The following SERPINA6 variants were observed in gnomAD, a reference collection of about 807,000 sequenced individuals.
The protein encoded by SERPINA6 is serpin family A member 6, also known as corticosteroid-binding globulin.
In SERPINA6, 19 loss-of-function variants were observed where a neutral mutation model predicts 26.4. The observed-to-expected ratio is 0.72, with a 90% CI of 0.50 to 1.06. The LOEUF (loss-of-function observed/expected upper bound fraction) is 1.06. SERPINA6 is among the 50% of genes least tolerant of loss of function. The pLI, the probability that SERPINA6 is intolerant of heterozygous loss-of-function variation, is 0.00. For missense variants in SERPINA6, 473 were observed against 504.0 expected, an observed-to-expected ratio of 0.94 and a Z score of 0.59; for synonymous variants, 196 against 199.4, an observed-to-expected ratio of 0.98 and a Z score of 0.14.
chr14:94,319,025 G>T (rs745445492), intron 1 of SERPINA6, among the ~76,000 whole-genome samples: 6 of 152,180 alleles, frequency 3.9e-5, no homozygotes, highest in Non-Finnish European at 7.3e-5. Context: ...TCTTTTCAGA[G>T]ACAACATACA....
At chr14:94,317,939 G>A (rs2139726339) in intron 1 of SERPINA6, among the ~76,000 whole-genome samples, 1 of 152,258 alleles carries the variant, frequency 6.6e-6, no homozygotes, top group Non-Finnish European at 1.5e-5. Context: ...GATCTTATAT[G>A]TTCAAAACCC....
rs778695965 is a variant in SERPINA6, at chr14:94,309,912, C to T, written c.708G>A (p.Gln236=). ...CATGAAGGTAACTGATGGTGCTCGA[C>T]TGCAACATCATGGGCACCTTCACCA... is the stretch of plus-strand genomic sequence containing the variant. ...TTVVKVPMML[Q]SSTISYLHDS... The change falls in exon 3 of 5, where the codon CAG becomes CAA. Residue 236 remains glutamine, a synonymous_variant. Coordinates refer to ENST00000341584, the MANE Select transcript of SERPINA6 (RefSeq NM_001756.4). The T allele has an allele frequency of 2.5e-6, 4 of 1,614,160 alleles. No homozygotes were observed. The highest frequency in any genetic ancestry group is 3.4e-6 in the Non-Finnish European group (4 of 1,179,996).
Position 94,304,306 on chromosome 14 carries a change from A to G in SERPINA6, c.*112T>C, listed in dbSNP as rs1803252. ...TAAAGTTAGACACAACTCTGGTTGG[A>G]GGGAGAAGAACTTGGAGGAGATTGG... is the stretch of plus-strand genomic sequence containing the variant. On this transcript the variant is annotated 3_prime_UTR_variant, in exon 5 of 5. Coordinates refer to ENST00000341584, the MANE Select transcript of SERPINA6 (RefSeq NM_001756.4). 1.8e-5 allele frequency: 18 copies of G among 1,028,346 alleles called. No individual in the cohort carries two copies. Among genetic ancestry groups the G allele is most frequent in the Non-Finnish European group, 2.6e-5 (17 of 648,642 alleles). 63.7% of individuals were successfully genotyped at this position (1,028,346 alleles called of 1,614,324 possible).
At position 94,314,393 on chromosome 14, in the gene SERPINA6, G is replaced by C. The variant is rs199699199; in HGVS notation, c.256C>G (p.Arg86Gly). Residue 86 changes from arginine (R) to glycine (G), a missense_variant, in exon 2 of 5, where the codon CGG (arginine) becomes GGG (glycine). Physicochemically the swap from Arg to Gly is moderately radical, Grantham distance 125 (BLOSUM62 -2). Transcript: ENST00000341584. ...CCCAGGCCCTGGAGAAGCTGGGCCC[G>C]TGTGTGGCCACAGGTGCCCAGGGAC... ...MLSLGTCGHT[R>G]AQLLQGLGFN... The C allele has an allele frequency of 6.2e-7, 1 of 1,614,156 alleles. No homozygotes were observed. The highest frequency in any genetic ancestry group is 8.5e-7 in the Non-Finnish European group (1 of 1,180,026).
intron 4 of SERPINA6, among the ~76,000 whole-genome samples, chr14:94,305,772 G>T (rs1395642931): frequency 6.6e-6 from 1 of 152,198 alleles, no homozygotes; most frequent in Non-Finnish European, 1.5e-5. Flanking sequence ...GCCACTCACA[G>T]CTCTGCCATG....
Position 94,314,185 on chromosome 14 carries a change from A to G in SERPINA6, c.464T>C (p.Val155Ala), listed in dbSNP as rs1453918017. The G allele has an allele frequency of 6.2e-7, 1 of 1,614,014 alleles. No homozygotes were observed. The highest frequency in any genetic ancestry group is 1.3e-5 in the African/African-American group (1 of 74,890). Residue 155 changes from valine to alanine, a missense_variant, in exon 2 of 5, where the codon GTC becomes GCC. Coordinates refer to ENST00000341584, the MANE Select transcript of SERPINA6 (RefSeq NM_001756.4). Reference sequence around the variant, plus strand: ...CCAGTCCTGGAAATTCATAGCCAAGACCTCTGACTCATAGTAGTGCTTGAT... The same window carrying G: ...CCAGTCCTGGAAATTCATAGCCAAGGCCTCTGACTCATAGTAGTGCTTGAT... Reference protein sequence around the residue: ...ADIKHYYESEVLAMNFQDWAT... With the variant: ...ADIKHYYESEALAMNFQDWAT...
intron 2 of SERPINA6, among the ~76,000 whole-genome samples, chr14:94,312,364 C>T (rs982471501): frequency 1.3e-5 from 2 of 152,192 alleles, no homozygotes; most frequent in South Asian, 2.1e-4. Flanking sequence ...CTCAGGAGGG[C>T]CCTCCCTGCA....
chr14:94,314,532 C>T lies in SERPINA6; in HGVS notation c.117G>A (p.Leu39=). 1.2e-6 allele frequency: 2 copies of T among 1,614,194 alleles called. No individual in the cohort carries two copies. The highest frequency in any genetic ancestry group is 1.7e-6 in the Non-Finnish European group (2 of 1,180,032). ...YVNMSNHHRG[L]ASANVDFAFS... is the part of the protein sequence containing the mutation. ...AGGCAAAGTCAACGTTGGCTGAAGC[C>T]AGGCCCCGGTGATGGTTACTCATGT... is the stretch of plus-strand genomic sequence containing the variant. The change falls in exon 2 of 5, where the codon CTG becomes CTA. Residue 39 remains leucine, a synonymous_variant. Coordinates refer to ENST00000341584, the MANE Select transcript of SERPINA6 (RefSeq NM_001756.4).
intron 4 of SERPINA6, 86 bp downstream of exon 4, chr14:94,305,985 G>T: frequency 6.6e-7 from 1 of 1,517,894 alleles, no homozygotes; most frequent in South Asian, 1.1e-5. Flanking sequence ...GCTCATTCAT[G>T]AACGAACTCA....
At chr14:94,319,468 T>C (rs1895654955) in intron 1 of SERPINA6, among the ~76,000 whole-genome samples, 1 of 152,296 alleles carries the variant, frequency 6.6e-6, no homozygotes, top group Non-Finnish European at 1.5e-5. Flanking sequence ...ACCAAAGAAC[T>C]GCAAGCAGCT....
intron 3 of SERPINA6, among the ~76,000 whole-genome samples, chr14:94,308,598 G>A (rs1182890808): frequency 6.6e-6 from 1 of 152,004 alleles, no homozygotes; most frequent in African/African-American, 2.4e-5. Flanking sequence ...TTTCATGCTG[G>A]TTGGCATTTT....
chr14:94,314,837 T>TG, intron 1 of SERPINA6, 170 bp from the exon 2 acceptor site: 1 of 654,246 alleles, frequency 1.5e-6, no homozygotes, highest in South Asian at 1.8e-5. Flanking sequence ...TTTCCTCATC[T>TG]GGAGATATGA....
intron 2 of SERPINA6, 57 bp from the exon 3 acceptor site, chr14:94,310,063 A>T: frequency 6.3e-7 from 1 of 1,580,170 alleles, no homozygotes; most frequent in Non-Finnish European, 8.7e-7. Context: ...GTTCCAGGTG[A>T]TCTCACGGGC....
intron 3 of SERPINA6, among the ~76,000 whole-genome samples, chr14:94,308,763 A>G (rs923985596): frequency 1.3e-5 from 2 of 152,132 alleles, no homozygotes; most frequent in Admixed American, 1.3e-4. Flanking sequence ...TTAGGGGGAA[A>G]ATCTCATTTG....
At chr14:94,319,662 C>G (rs1895657072) in intron 1 of SERPINA6, among the ~76,000 whole-genome samples, 1 of 152,190 alleles carries the variant, frequency 6.6e-6, no homozygotes. Context: ...TTTCCTACAA[C>G]ATGGATGAAC....
intron 1 of SERPINA6, among the ~76,000 whole-genome samples, chr14:94,323,062 C>T (rs759924655): frequency 3.9e-5 from 6 of 152,200 alleles, no homozygotes; most frequent in African/African-American, 7.2e-5. Context: ...CAGGGGACAT[C>T]GGAACCCCTG....
intron 2 of SERPINA6, among the ~76,000 whole-genome samples, chr14:94,311,043 G>A (rs926826457): frequency 6.6e-6 from 1 of 152,202 alleles, no homozygotes; most frequent in Non-Finnish European, 1.5e-5. Flanking sequence ...TTGGTTCTAA[G>A]CCAGCCACAA....
intron 1 of SERPINA6, among the ~76,000 whole-genome samples, chr14:94,318,853 A>G (rs1019449976): frequency 2.0e-5 from 3 of 152,214 alleles, no homozygotes; most frequent in Non-Finnish European, 4.4e-5. Flanking sequence ...AAAGGATACT[A>G]TCAATAAAGT....
rs756516161 is a variant in SERPINA6, at chr14:94,314,409, G to A, written c.240C>T (p.Gly80=). 9 of 1,614,098 alleles carry A rather than the reference G, an allele frequency of 5.6e-6. No individual in the cohort carries two copies. Among genetic ancestry groups the A allele is most frequent in the Non-Finnish European group, 7.6e-6 (9 of 1,180,058 alleles). Residue 80 remains glycine, a synonymous_variant, in exon 2 of 5, where the codon GGC becomes GGT. Transcript: ENST00000341584. ...GCTGGGCCCGTGTGTGGCCACAGGTGCCCAGGGACAGCATAGCTAAGGCCA... is the reference window on the plus strand; with the variant it reads ...GCTGGGCCCGTGTGTGGCCACAGGTACCCAGGGACAGCATAGCTAAGGCCA... ...ISMALAMLSL[G]TCGHTRAQLL... is the part of the protein sequence containing the mutation.
Sources: gnomAD v4.1 joint callset for allele counts (sites outside exome capture counted in the v4.1 genomes callset) on GRCh38, gnomAD v4.1.1 for gene constraint, MANE v1.5 for transcripts, NCBI Gene and HGNC (gene_info 2026-07-23, HGNC 2026-07-21) for gene names.